Variants in CALU observed in about 807,000 individuals in gnomAD.
The protein encoded by CALU is calumenin.
In CALU, 13 loss-of-function variants were observed where a neutral mutation model predicts 37.5. The ratio of observed to expected loss-of-function variants is 0.35; its 90% confidence interval spans 0.23 to 0.55. The LOEUF (loss-of-function observed/expected upper bound fraction) is 0.55. Ranked by LOEUF, CALU falls within the 20% of genes least tolerant of loss-of-function variation. The probability of loss-of-function intolerance (pLI) is 0.89; values close to 1 mark genes in which losing one functional copy is unlikely to be tolerated. For missense variants in CALU, 282 were observed against 391.7 expected (o/e 0.72, Z 2.36); for synonymous variants, 114 against 133.8 (o/e 0.85, Z 1.02).
Position 128,770,210 on chromosome 7 carries a change from G to A in CALU, c.*1043G>A, listed in dbSNP as rs1407584758. On this transcript the variant is annotated 3_prime_UTR_variant, in exon 7 of 7. Coordinates refer to ENST00000249364, the MANE Select transcript of CALU (RefSeq NM_001219.5). ...TTAAGAAACCCTGAGATTAAAAAAA[G>A]ACTATTTGGATAACTTATAGGAAAG... The A allele has an allele frequency of 6.5e-6, 1 of 152,696 alleles. No individual in the cohort carries two copies. The highest frequency in any genetic ancestry group is 1.9e-4 in the East Asian group (1 of 5,180). The allele number at this position is 152,696 out of a possible 1,614,324, so 9.5% of individuals were successfully genotyped here.
chr7:128,750,637 C>T (rs372217835), intron 2 of CALU, among the ~76,000 whole-genome samples: 2 of 152,134 alleles, frequency 1.3e-5, no homozygotes, highest in East Asian at 1.9e-4. Context: ...CAGTAACATA[C>T]GGTTGGGAGC....
rs1035852551 is a variant in CALU at position 128,751,098 on chromosome 7, G to A, written c.221+2294G>A. Among the ~76,000 whole-genome samples, 3 of 151,304 alleles carry A rather than the reference G, an allele frequency of 2.0e-5. No homozygotes were observed. The East Asian group carries it at 5.9e-4, about 30-fold the overall frequency. On this transcript the variant is annotated intron_variant, in intron 2 of 6. Coordinates refer to ENST00000249364, the MANE Select transcript of CALU (RefSeq NM_001219.5). Reference sequence around the variant, plus strand: ...AGGTCAAGAGATCAAGACCATCCTGGCCAATATGGTGAAATCCCATCTCTA... The same window carrying A: ...AGGTCAAGAGATCAAGACCATCCTGACCAATATGGTGAAATCCCATCTCTA...
At chr7:128,753,872 AAAAT>A (rs749585998) in intron 2 of CALU, among the ~76,000 whole-genome samples, 4 of 152,256 alleles carry the variant, frequency 2.6e-5, no homozygotes, top group Non-Finnish European at 2.9e-5. Flanking sequence ...GCAATAAAGA[AAAAT>A]AAAGTTCAGC....
chr7:128,752,403 G>C (rs114315931), intron 2 of CALU, among the ~76,000 whole-genome samples: 1 of 152,028 alleles, frequency 6.6e-6, no homozygotes, highest in African/African-American at 2.4e-5. Flanking sequence ...TTATCTGGGC[G>C]ATCCTTCTCT....
intron 1 of CALU, among the ~76,000 whole-genome samples, chr7:128,741,457 C>T (rs1191596049): frequency 2.6e-5 from 4 of 152,084 alleles, no homozygotes; most frequent in African/African-American, 4.8e-5. Context: ...CCAGAAATGT[C>T]GATTCTAAAG....
At chr7:128,767,785 A>G in intron 6 of CALU, 130 bp downstream of exon 6, 1 of 729,510 alleles carries the variant, frequency 1.4e-6, no homozygotes, top group Non-Finnish European at 2.3e-6. Context: ...CAAGTATCTG[A>G]ATCTGGCGAT....
At chr7:128,743,649 G>A (rs1043075690) in intron 1 of CALU, among the ~76,000 whole-genome samples, 4 of 151,720 alleles carry the variant, frequency 2.6e-5, no homozygotes, top group African/African-American at 9.7e-5. Context: ...CAGCTTCCCC[G>A]GTAGCTGGGA....
At position 128,771,432 on chromosome 7, in the gene CALU, G is replaced by A. The variant is rs969341434; in HGVS notation, c.*2265G>A. ...AACCAAGTTTTATATTCTGCAATGC[G>A]AACAGGTACCTATCTGTTTCTAAAT... On this transcript the variant is annotated 3_prime_UTR_variant, in exon 7 of 7. Transcript: ENST00000249364. The A allele has an allele frequency of 1.3e-5, 2 of 152,554 alleles. No homozygotes were observed. The highest frequency in any genetic ancestry group is 2.1e-4 in the South Asian group (1 of 4,824). 9.5% of individuals were successfully genotyped at this position (152,554 alleles called of 1,614,324 possible). A position where few individuals can be genotyped will look rare whatever the true frequency, so the allele number is the denominator to read the frequency against.
intron 2 of CALU, 78 bp from the exon 3 acceptor site, chr7:128,754,184 C>A: frequency 1.8e-6 from 2 of 1,119,196 alleles, no homozygotes; most frequent in South Asian, 1.5e-5. Context: ...TGTGCATTAG[C>A]CCTGGGCACA....
chr7:128,744,252 T>A (rs1211147158), intron 1 of CALU, among the ~76,000 whole-genome samples: 1 of 152,136 alleles, frequency 6.6e-6, no homozygotes, highest in East Asian at 1.9e-4. Context: ...AAATGCTGTG[T>A]ATGAAGTTAT....
chr7:128,773,124 G>A lies in CALU; in HGVS notation c.*3957G>A, dbSNP rs1277718562. Among the ~76,000 whole-genome samples, 1 of 152,202 alleles carries A rather than the reference G, an allele frequency of 6.6e-6. No individual in the cohort carries two copies. The highest frequency in any genetic ancestry group is 1.5e-5 in the Non-Finnish European group (1 of 68,030). On this transcript the variant is annotated 3_prime_UTR_variant, in exon 7 of 7. Coordinates refer to ENST00000249364, the MANE Select transcript of CALU (RefSeq NM_001219.5). ...TTCAGATGGGATAGGAAATCCCCCA[G>A]TACCTTCAGATGATAAGATATTTTA...
At position 128,757,420 on chromosome 7, in the gene CALU, G is replaced by A. The variant is rs540054381; in HGVS notation, c.416-1451G>A. 4.0e-5 allele frequency among the ~76,000 whole-genome samples: 6 copies of A among 149,970 alleles called. No individual in the cohort carries two copies. The South Asian group carries it at 8.4e-4, about 21-fold the overall frequency. On this transcript the variant is annotated intron_variant, in intron 3 of 6. Coordinates refer to ENST00000249364, the MANE Select transcript of CALU (RefSeq NM_001219.5). Reference sequence around the variant, plus strand: ...ACAGGATCCCAAAGCCTTATGACTCGTTAAGCTGTCTGACTGAATTTTTGA... The same window carrying A: ...ACAGGATCCCAAAGCCTTATGACTCATTAAGCTGTCTGACTGAATTTTTGA...
intron 1 of CALU, among the ~76,000 whole-genome samples, chr7:128,746,895 A>G (rs1026892227): frequency 2.3e-4 from 35 of 149,888 alleles, no homozygotes; most frequent in Middle Eastern, 7.4e-3. Flanking sequence ...CAGCCTCCCA[A>G]GTAGCTGGGA....
intron 1 of CALU, among the ~76,000 whole-genome samples, chr7:128,739,827 T>C (rs375751024): frequency 1.3e-5 from 2 of 152,164 alleles, no homozygotes; most frequent in African/African-American, 4.8e-5. Flanking sequence ...AAGAGTTCCT[T>C]GCCGCCTCCA....
chr7:128,767,597 A>G lies in CALU; in HGVS notation c.785A>G (p.Asp262Gly), dbSNP rs1801385141. 10 of 1,614,196 alleles carry G rather than the reference A, an allele frequency of 6.2e-6. No homozygotes were observed. Among genetic ancestry groups the G allele is most frequent in the Non-Finnish European group, 8.5e-6 (10 of 1,180,018 alleles). ...ACCAAAGACTGGATCCTTCCCTCAG[A>G]CTATGATCATGCAGAGGCAGAAGCC... Reference protein sequence around the residue: ...EETKDWILPSDYDHAEAEARH... With the variant: ...EETKDWILPSGYDHAEAEARH... Residue 262 changes from aspartate (D) to glycine (G), a missense_variant, in exon 6 of 7, where the codon GAC becomes GGC. Asp to Gly is a moderately conservative substitution (Grantham distance 94). Transcript: ENST00000249364.
chr7:128,759,925 C>T, intron 5 of CALU, 73 bp downstream of exon 5: 1 of 848,146 alleles, frequency 1.2e-6, no homozygotes. Flanking sequence ...TGGCTGGGCA[C>T]AGTGGCTCAT....
At chr7:128,762,154 T>C (rs1801144431) in intron 5 of CALU, among the ~76,000 whole-genome samples, 1 of 152,180 alleles carries the variant, frequency 6.6e-6, no homozygotes, top group African/African-American at 2.4e-5. Context: ...GATTTATCTT[T>C]TTATTCTTGG....
At chr7:128,755,042 G>T (rs1362399436) in intron 3 of CALU, among the ~76,000 whole-genome samples, 1 of 151,454 alleles carries the variant, frequency 6.6e-6, no homozygotes, top group Non-Finnish European at 1.5e-5. Context: ...GGTGCCGATA[G>T]CTCACGCCTA....
At chr7:128,758,762 A>T (rs879539605) in intron 3 of CALU, 109 bp from the exon 4 acceptor site, 7 of 781,102 alleles carry the variant, frequency 9.0e-6, no homozygotes, top group Non-Finnish European at 1.3e-5. Flanking sequence ...GTCATCAATT[A>T]TTTCTTCCTT....
Sources: gnomAD v4.1 joint callset for allele counts (sites outside exome capture counted in the v4.1 genomes callset) on GRCh38, gnomAD v4.1.1 for gene constraint, MANE v1.5 for transcripts, NCBI Gene and HGNC (gene_info 2026-07-23, HGNC 2026-07-21) for gene names.